Variants in HECW1 observed in about 807,000 individuals in gnomAD.
HECW1 encodes the protein E3 ubiquitin-protein ligase HECW1.
A neutral mutation model predicts 182.3 loss-of-function variants in HECW1; 61 were observed. The observed-to-expected ratio is 0.33, with a 90% CI of 0.27 to 0.41. HECW1 has a LOEUF of 0.41. Among genes scored for constraint, HECW1 ranks in the 10% least tolerant of loss-of-function variants. HECW1 has a pLI of 1.00. For synonymous variants in HECW1, 859 were observed against 832.6 expected (o/e 1.03, Z -0.55); for missense variants, 1,739 against 2,108.9 (o/e 0.82, Z 3.44).
intron 3 of HECW1, among the ~76,000 whole-genome samples, chr7:43,253,668 C>G (rs918049612): frequency 1.3e-5 from 2 of 152,128 alleles, no homozygotes; most frequent in Admixed American, 1.3e-4. Context: ...ATTGGGAGGC[C>G]GAGGAGCAGG....
chr7:43,204,800 A>C (rs1795312160), intron 2 of HECW1, among the ~76,000 whole-genome samples: 1 of 152,182 alleles, frequency 6.6e-6, no homozygotes, highest in Non-Finnish European at 1.5e-5. Context: ...GAGAAACAAA[A>C]GTCTCCTATC....
intron 4 of HECW1, among the ~76,000 whole-genome samples, chr7:43,318,024 A>G (rs1490701540): frequency 6.6e-6 from 1 of 152,224 alleles, no homozygotes; most frequent in Non-Finnish European, 1.5e-5. Context: ...CCCTGAGAAC[A>G]TAGACCGTGA....
chr7:43,313,701 A>T (rs1187477563), intron 4 of HECW1, among the ~76,000 whole-genome samples: 2 of 152,220 alleles, frequency 1.3e-5, no homozygotes, highest in African/African-American at 4.8e-5. Context: ...CTTAAAATGT[A>T]GAAGTTTCAA....
chr7:43,361,032 C>A, intron 6 of HECW1, 52 bp downstream of exon 6: 1 of 1,312,776 alleles, frequency 7.6e-7, no homozygotes, highest in Non-Finnish European at 1.1e-6. Flanking sequence ...TCTTTCTTCA[C>A]TTTCCTATTT....
Position 43,450,894 on chromosome 7 carries a change from A to T in HECW1, c.2465A>T (p.His822Leu), listed in dbSNP as rs1316476626. The T allele has an allele frequency of 6.2e-7, 1 of 1,613,334 alleles. No homozygotes were observed. The highest frequency in any genetic ancestry group is 1.1e-5 in the South Asian group (1 of 91,060). Residue 822 changes from histidine (H) to leucine (L), a missense_variant, in exon 12 of 30, where the codon CAT becomes CTT. His to Leu is a moderately conservative substitution (Grantham distance 99). Transcript: ENST00000395891. The part of the protein sequence containing the change: ...SQLPSLRPEH[H>L]HYPTIDEPLP... ...CTTCCTTCCCTGAGGCCTGAACATCATCACTACCCAACAATCGATGAGCCT... is the reference window on the plus strand; with the variant it reads ...CTTCCTTCCCTGAGGCCTGAACATCTTCACTACCCAACAATCGATGAGCCT...
At chr7:43,448,770 C>T (rs2077143146) in intron 11 of HECW1, among the ~76,000 whole-genome samples, 1 of 152,184 alleles carries the variant, frequency 6.6e-6, no homozygotes, top group Non-Finnish European at 1.5e-5. Flanking sequence ...CTATCTTTCT[C>T]TACAATTAGG....
chr7:43,549,954 C>T (rs1012054151), intron 26 of HECW1, among the ~76,000 whole-genome samples: 2 of 151,996 alleles, frequency 1.3e-5, no homozygotes, highest in Non-Finnish European at 2.9e-5. Flanking sequence ...AACTTGTTTC[C>T]TCTGTATAAA....
intron 6 of HECW1, among the ~76,000 whole-genome samples, chr7:43,363,311 A>G (rs1816198707): frequency 6.6e-6 from 1 of 152,234 alleles, no homozygotes; most frequent in Admixed American, 6.5e-5. Context: ...AGATGCTTCC[A>G]TCACACTGTT....
At chr7:43,169,690 CTT>C (rs374141328) in intron 2 of HECW1, among the ~76,000 whole-genome samples, 65 of 113,418 alleles carry the variant, frequency 5.7e-4, no homozygotes, top group South Asian at 2.6e-3. Flanking sequence ...TTTTTCTTTT[CTT>C]TTTTTTTTTT....
intron 3 of HECW1, among the ~76,000 whole-genome samples, chr7:43,271,269 C>T (rs1415011452): frequency 2.0e-5 from 3 of 151,958 alleles, no homozygotes; most frequent in Non-Finnish European, 4.4e-5. Flanking sequence ...ATGGAATGAG[C>T]AAAAACTGGA....
intron 5 of HECW1, 89 bp downstream of exon 5, chr7:43,320,831 C>A: frequency 1.0e-6 from 1 of 954,996 alleles, no homozygotes; most frequent in Non-Finnish European, 1.7e-6. Context: ...GCACTGCCTC[C>A]ACTAAGAAAT....
chr7:43,316,755 C>CA (rs1438065582), intron 4 of HECW1, among the ~76,000 whole-genome samples: 2 of 36,670 alleles, frequency 5.5e-5, no homozygotes, highest in South Asian at 1.1e-3. Context: ...CAGTTCTCCT[C>CA]TCCCCTCCCC....
At chr7:43,170,546 C>T (rs1232509127) in intron 2 of HECW1, among the ~76,000 whole-genome samples, 1 of 152,164 alleles carries the variant, frequency 6.6e-6, no homozygotes, top group Admixed American at 6.5e-5. Context: ...AAGGTTACAG[C>T]TCGTGAACAG....
intron 2 of HECW1, among the ~76,000 whole-genome samples, chr7:43,142,393 T>A (rs1284922586): frequency 6.6e-6 from 1 of 152,178 alleles, no homozygotes; most frequent in Non-Finnish European, 1.5e-5. Context: ...TAGAAATGTA[T>A]TCATGCACAG....
At chr7:43,338,026 C>T (rs1256150605) in intron 5 of HECW1, among the ~76,000 whole-genome samples, 1 of 152,170 alleles carries the variant, frequency 6.6e-6, no homozygotes, top group African/African-American at 2.4e-5. Flanking sequence ...AGAGCTAAAA[C>T]TGGTTTCAGG....
Position 43,247,889 on chromosome 7 carries a change from GGA to G in HECW1, c.27+3963_27+3964del, listed in dbSNP as rs1333811422. Among the ~76,000 whole-genome samples, 3 of 136,930 alleles carry G rather than the reference GGA, an allele frequency of 2.2e-5. 1 individual carries two copies. The highest frequency in any genetic ancestry group is 8.8e-5 in the African/African-American group (3 of 34,164). 89.8% of individuals were successfully genotyped at this position (136,930 alleles called of 152,430 possible). A position where few individuals can be genotyped will look rare whatever the true frequency, so the allele number is the denominator to read the frequency against. ...AGAAGAAAGCAAGCAAGAAAGGGAGGGAGAGAGGAAGGAAGGAAGGAGGGAGG... is the reference window on the plus strand; with the variant it reads ...AGAAGAAAGCAAGCAAGAAAGGGAGGGAGAGGAAGGAAGGAAGGAGGGAGG... On this transcript the variant is annotated intron_variant, in intron 3 of 29. Transcript: ENST00000395891.
intron 3 of HECW1, among the ~76,000 whole-genome samples, chr7:43,266,817 G>C (rs544956173): frequency 1.3e-5 from 2 of 152,030 alleles, no homozygotes; most frequent in Non-Finnish European, 2.9e-5. Context: ...ATTTAAAAGA[G>C]ACACGCAAAA....
chr7:43,501,893 G>A (rs1227167556), intron 21 of HECW1, among the ~76,000 whole-genome samples: 4 of 152,142 alleles, frequency 2.6e-5, no homozygotes, highest in Admixed American at 2.0e-4. Context: ...TTTATGACAT[G>A]TGAAAACTGT....
At chr7:43,488,406 AAGAAAG>A (rs1220734137) in intron 17 of HECW1, among the ~76,000 whole-genome samples, 3 of 120,330 alleles carry the variant, frequency 2.5e-5, no homozygotes, top group African/African-American at 1.0e-4. Flanking sequence ...AAGGAAATGA[AAGAAAG>A]AGAGAGAGAG....
Sources: gnomAD v4.1 joint callset for allele counts (sites outside exome capture counted in the v4.1 genomes callset) on GRCh38, gnomAD v4.1.1 for gene constraint, MANE v1.5 for transcripts, NCBI Gene and HGNC (gene_info 2026-07-23, HGNC 2026-07-21) for gene names.